IMMP2L: variants seen among roughly 807,000 people sequenced by gnomAD.
IMMP2L encodes the protein inner mitochondrial membrane peptidase subunit 2.
Under a neutral mutation model 19.3 loss-of-function variants are expected in IMMP2L, and 18 were observed. That is an observed-to-expected ratio of 0.93 (90% confidence interval 0.64 to 1.38). The LOEUF (loss-of-function observed/expected upper bound fraction) is 1.38. IMMP2L is among the 40% of genes most tolerant of loss of function. IMMP2L has a pLI of 0.00. For missense variants in IMMP2L, 233 were observed against 218.2 expected (o/e 1.07, Z -0.43); for synonymous variants, 76 against 73.0 (o/e 1.04, Z -0.21).
At chr7:111,192,475 CTT>C (rs1487425805) in intron 3 of IMMP2L, among the ~76,000 whole-genome samples, 3 of 152,080 alleles carry the variant, frequency 2.0e-5, no homozygotes, top group Admixed American at 6.6e-5. Context: ...ATCATAACTC[CTT>C]TTCTTTTCGC....
In IMMP2L at chr7:110,943,746, T is replaced by A. The variant is rs1349446043; in HGVS notation, c.305+19754A>T. Among the ~76,000 whole-genome samples the A allele has an allele frequency of 3.3e-5, 5 of 151,884 alleles. 1 individual carries two copies. In the Admixed American group the frequency reaches 3.3e-4, roughly 10 times the overall value. On this transcript the variant is annotated intron_variant, in intron 4 of 5. Transcript: ENST00000405709. ...AGGGTGTTACCACAGAAGAAGTTAG[T>A]CTAAGCTGACTGACACGGGGCCCAT...
chr7:111,275,234 C>T (rs751248193), intron 3 of IMMP2L, among the ~76,000 whole-genome samples: 1 of 152,052 alleles, frequency 6.6e-6, no homozygotes, highest in Non-Finnish European at 1.5e-5. Context: ...GGTGGAGGGA[C>T]GCTAATGAGA....
chr7:111,124,147 C>T (rs752295670), intron 3 of IMMP2L: 82 of 1,613,808 alleles, frequency 5.1e-5, no homozygotes, highest in Non-Finnish European at 6.9e-5. Context: ...CTGGATAACA[C>T]CTTCTGGTCA....
intron 2 of IMMP2L, among the ~76,000 whole-genome samples, chr7:111,492,170 T>A (rs188176064): frequency 6.6e-6 from 1 of 152,128 alleles, no homozygotes; most frequent in Non-Finnish European, 1.5e-5. Context: ...TATGCCTATA[T>A]TTTTGAGATC....
intron 3 of IMMP2L, among the ~76,000 whole-genome samples, chr7:111,484,190 G>A (rs1256485475): frequency 6.6e-6 from 1 of 152,176 alleles, no homozygotes; most frequent in Non-Finnish European, 1.5e-5. Flanking sequence ...TACTTTTACT[G>A]CAGTTTAATT....
chr7:111,374,347 T>G (rs1026914549), intron 3 of IMMP2L, among the ~76,000 whole-genome samples: 2 of 151,940 alleles, frequency 1.3e-5, no homozygotes, highest in Non-Finnish European at 2.9e-5. Context: ...GGCTGGTAAC[T>G]TAAAGTTAAT....
intron 2 of IMMP2L, among the ~76,000 whole-genome samples, chr7:111,507,922 T>C (rs932569970): frequency 2.6e-5 from 4 of 152,158 alleles, no homozygotes; most frequent in African/African-American, 9.7e-5. Context: ...AGCTCACAAG[T>C]ACTGACCAAG....
chr7:111,095,645 A>T lies in IMMP2L; in HGVS notation c.240-132080T>A, dbSNP rs115619758. ...GCCCTGTTTTTAAAACATGTTAATA[A>T]TAATACTGCTATCCTTCACCTACAG... On this transcript the variant is annotated intron_variant, in intron 3 of 5. Transcript: ENST00000405709. 5.6e-3 allele frequency among the ~76,000 whole-genome samples: 854 copies of T among 152,114 alleles called. 14 individuals carry two copies. The highest frequency in any genetic ancestry group is 0.02 in the African/African-American group (820 of 41,546).
intron 5 of IMMP2L, among the ~76,000 whole-genome samples, chr7:110,880,153 T>A (rs2129544821): frequency 6.6e-6 from 1 of 152,178 alleles, no homozygotes; most frequent in African/African-American, 2.4e-5. Flanking sequence ...GTTAGACAAA[T>A]CTTAATATAC....
intron 3 of IMMP2L, among the ~76,000 whole-genome samples, chr7:111,390,971 A>G (rs1832295532): frequency 6.6e-6 from 1 of 152,134 alleles, no homozygotes; most frequent in Non-Finnish European, 1.5e-5. Flanking sequence ...TCCTTACTTC[A>G]CTACTAAAAT....
chr7:111,460,280 A>C (rs2131998861), intron 3 of IMMP2L, among the ~76,000 whole-genome samples: 1 of 152,286 alleles, frequency 6.6e-6, no homozygotes, highest in South Asian at 2.1e-4. Flanking sequence ...TTATTATCTA[A>C]ATGCTATTAG....
intron 2 of IMMP2L, among the ~76,000 whole-genome samples, chr7:111,501,731 T>A (rs1383173991): frequency 6.6e-6 from 1 of 152,048 alleles, no homozygotes; most frequent in African/African-American, 2.4e-5. Context: ...CTAAGCTTCA[T>A]AAGTGAAGGA....
At chr7:111,397,300 G>A (rs1041894852) in intron 3 of IMMP2L, among the ~76,000 whole-genome samples, 22 of 151,846 alleles carry the variant, frequency 1.4e-4, no homozygotes, top group African/African-American at 5.1e-4. Context: ...CATAGTCTTC[G>A]AAAACATGAT....
intron 3 of IMMP2L, among the ~76,000 whole-genome samples, chr7:111,192,140 C>G (rs1808950956): frequency 6.6e-6 from 1 of 151,926 alleles, no homozygotes; most frequent in South Asian, 2.1e-4. Flanking sequence ...TCAGACTCAC[C>G]CAGAAGCCAT....
intron 4 of IMMP2L, among the ~76,000 whole-genome samples, chr7:110,907,825 G>A (rs1238447565): frequency 1.3e-5 from 2 of 152,144 alleles, no homozygotes. Flanking sequence ...CATTTCAGAA[G>A]CAACCATGCC....
chr7:111,136,263 T>C (rs566452111), intron 3 of IMMP2L, among the ~76,000 whole-genome samples: 4 of 152,108 alleles, frequency 2.6e-5, no homozygotes, highest in Non-Finnish European at 4.4e-5. Context: ...TCTGACCTCA[T>C]GATCCACCCG....
chr7:110,825,060 G>A lies in IMMP2L; in HGVS notation c.408+61533C>T, dbSNP rs531681480. 2.8e-4 allele frequency among the ~76,000 whole-genome samples: 42 copies of A among 151,876 alleles called. 1 individual carries two copies. The highest frequency in any genetic ancestry group is 8.7e-4 in the African/African-American group (36 of 41,458). ...ATACACCAGTAACAAACAAATAGCC[G>A]AATCATGAGTGAACTCTCATTCACA... On this transcript the variant is annotated intron_variant, in intron 5 of 5. Coordinates refer to ENST00000405709, the MANE Select transcript of IMMP2L (RefSeq NM_032549.4).
chr7:110,972,691 C>G (rs1452985796), intron 3 of IMMP2L, among the ~76,000 whole-genome samples: 1 of 152,014 alleles, frequency 6.6e-6, no homozygotes, highest in Non-Finnish European at 1.5e-5. Flanking sequence ...CAAGGACGAA[C>G]AGAAGTTATC....
At position 110,852,190 on chromosome 7, in the gene IMMP2L, GTGGATGGAAGGATGGA is replaced by G. The variant is rs1218074227; in HGVS notation, c.408+34387_408+34402del. Reference sequence around the variant, plus strand: ...ATTTAGACTGCCACAGGATGGATGGGTGGATGGAAGGATGGATGGATGGATGGATGGATGGATGGAT... The same window carrying G: ...ATTTAGACTGCCACAGGATGGATGGGTGGATGGATGGATGGATGGATGGAT... On this transcript the variant is annotated intron_variant, in intron 5 of 5. Coordinates refer to ENST00000405709, the MANE Select transcript of IMMP2L (RefSeq NM_032549.4). Among the ~76,000 whole-genome samples the G allele has an allele frequency of 1.7e-4, 25 of 145,150 alleles. 1 individual carries two copies. Among genetic ancestry groups the G allele is most frequent in the Admixed American group, 8.3e-4 (12 of 14,392 alleles).
Sources: allele counts gnomAD v4.1 joint callset (sites outside exome capture counted in the v4.1 genomes callset), GRCh38; gene constraint gnomAD v4.1.1; transcripts MANE v1.5; gene names NCBI Gene and HGNC (gene_info 2026-07-23, HGNC 2026-07-21).